The following SLC41A1 variants were observed in gnomAD, a reference collection of about 807,000 sequenced individuals.
The protein encoded by SLC41A1 is solute carrier family 41 member 1.
Under a neutral mutation model 47.3 loss-of-function variants are expected in SLC41A1, and 20 were observed. That is an observed-to-expected ratio of 0.42 (90% CI 0.30 to 0.61). The LOEUF is 0.61. SLC41A1 is among the 20% of genes least tolerant of loss of function. SLC41A1 has a pLI of 0.17. For missense variants in SLC41A1, 504 were observed against 674.1 expected, an observed-to-expected ratio of 0.75 and a Z score of 2.79; for synonymous variants, 282 against 272.7, an observed-to-expected ratio of 1.03 and a Z score of -0.34.
At position 205,810,339 on chromosome 1, in the gene SLC41A1, C is replaced by T. The variant is rs865967463; in HGVS notation, c.103G>A (p.Gly35Arg). 6.2e-7 allele frequency: 1 copy of T among 1,614,186 alleles called. No homozygotes were observed. ...TCAGGCCCCAGGAACTCTGAGGTCC[C>T]AGCCAAGGGCTCTCTCCCTGGGCCA... Reference protein sequence around the residue: ...SDGPGREPLAGTSEFLGPDGA... With the variant: ...SDGPGREPLARTSEFLGPDGA... The change falls in exon 2 of 11, where the codon GGG becomes AGG. Residue 35 changes from glycine to arginine, a missense_variant. Physicochemically the swap from Gly to Arg is moderately radical, Grantham distance 125. This residue lies in a region of SLC41A1 where 83 missense variants were observed against 72.5 expected (regional missense o/e 1.15). Coordinates refer to ENST00000367137, the MANE Select transcript of SLC41A1 (RefSeq NM_173854.6). This position sits in a 1 kb window ranked among gnomAD's most constrained non-coding sequence, Gnocchi z 5.5.
At chr1:205,796,589 C>G (rs1571641063) in intron 8 of SLC41A1, 1 of 348,712 alleles carries the variant, frequency 2.9e-6, no homozygotes, top group East Asian at 6.6e-5. Flanking sequence ...GCTTCCAGAA[C>G]TGTGAGCTAA....
At position 205,810,142 on chromosome 1, in the gene SLC41A1, C is replaced by A. The variant is rs372906697; in HGVS notation, c.300G>T (p.Leu100=). ...PLKETSFSIG[L]QVLFPFLLAG... ...CCAGGAGGAATGGAAACAGTACTTGCAGCCCGATGGAAAAGGAGGTCTCCT... is the reference window on the plus strand; with the variant it reads ...CCAGGAGGAATGGAAACAGTACTTGAAGCCCGATGGAAAAGGAGGTCTCCT... The change falls in exon 2 of 11, where the codon CTG becomes CTT. Residue 100 remains leucine (L), a synonymous_variant. Transcript: ENST00000367137. This position sits in a 1 kb window ranked among gnomAD's most constrained non-coding sequence, Gnocchi z 5.5. The A allele has an allele frequency of 1.1e-5, 18 of 1,614,228 alleles. No homozygotes were observed. The highest frequency in any genetic ancestry group is 2.2e-5 in the East Asian group (1 of 44,878).
intron 10 of SLC41A1, among the ~76,000 whole-genome samples, chr1:205,793,618 C>T (rs900745735): frequency 6.6e-6 from 1 of 152,124 alleles, no homozygotes; most frequent in East Asian, 1.9e-4. Context: ...ACAGGACTGG[C>T]GAAATAAAAT....
intron 2 of SLC41A1, among the ~76,000 whole-genome samples, chr1:205,802,564 A>G (rs1192816162): frequency 2.0e-5 from 3 of 151,816 alleles, no homozygotes; most frequent in African/African-American, 7.3e-5. Context: ...TGAAAATACA[A>G]AAATTAGCTG....
chr1:205,804,593 C>T (rs757571652), intron 2 of SLC41A1, among the ~76,000 whole-genome samples: 10 of 152,162 alleles, frequency 6.6e-5, no homozygotes, highest in East Asian at 1.9e-4. Flanking sequence ...CTCTTGGACA[C>T]GGCTGGTACA....
intron 2 of SLC41A1, chr1:205,801,298 G>A: frequency 4.1e-6 from 2 of 488,478 alleles, no homozygotes; most frequent in South Asian, 4.1e-5. Flanking sequence ...CTGCCGGTTG[G>A]GAGACTCTCA....
chr1:205,804,195 G>A (rs1035809187), intron 2 of SLC41A1, among the ~76,000 whole-genome samples: 1 of 152,200 alleles, frequency 6.6e-6, no homozygotes. Context: ...TAGGGCTTGA[G>A]ACCAGGAGAG....
chr1:205,801,297 G>C (rs1190469313), intron 2 of SLC41A1: 8 of 490,514 alleles, frequency 1.6e-5, no homozygotes, highest in Middle Eastern at 5.9e-4. Context: ...TCTGCCGGTT[G>C]GGAGACTCTC....
At chr1:205,812,784 G>GC in intron 1 of SLC41A1, 24 bp downstream of exon 1, 1 of 391,642 alleles carries the variant, frequency 2.6e-6, no homozygotes, top group Non-Finnish European at 3.4e-6. Context: ...CCCCCTCCCC[G>GC]CCCCAGGACC....
chr1:205,791,445 G>A lies in SLC41A1; in HGVS notation c.*88C>T. ...AAAGTGAAGTCCTAGAAAGAGGTGGGAGTGTGGGGTGGAGGAGGGACAGGG... is the reference window on the plus strand; with the variant it reads ...AAAGTGAAGTCCTAGAAAGAGGTGGAAGTGTGGGGTGGAGGAGGGACAGGG... On this transcript the variant is annotated 3_prime_UTR_variant, in exon 11 of 11. Transcript: ENST00000367137. The surrounding 1 kb of genome is among the most constrained non-coding windows in gnomAD (Gnocchi z 4.0). The A allele has an allele frequency of 1.4e-6, 2 of 1,457,016 alleles. No individual in the cohort carries two copies. Among genetic ancestry groups the A allele is most frequent in the Non-Finnish European group, 9.6e-7 (1 of 1,044,946 alleles). 90.3% of individuals were successfully genotyped at this position (1,457,016 alleles called of 1,614,324 possible).
intron 2 of SLC41A1, among the ~76,000 whole-genome samples, chr1:205,803,744 C>T (rs73080402): frequency 0.16 from 23,908 of 150,780 alleles, 2,577 homozygotes; most frequent in African/African-American, 0.31. Flanking sequence ...CTCAGTCTCT[C>T]GGGTAGTTGG....
Position 205,797,936 on chromosome 1 carries a change from C to T in SLC41A1, c.960G>A (p.Trp320Ter). Residue 320 changes from tryptophan to a stop codon, truncating the protein, a stop_gained, in exon 7 of 11, where the codon TGG (tryptophan) becomes TGA (stop). Coordinates refer to ENST00000367137, the MANE Select transcript of SLC41A1 (RefSeq NM_173854.6). LOFTEE classifies it high-confidence loss of function. The stretch of plus-strand genomic sequence containing the variant: ...TGGCCATGGCAATGATAACAGGCTC[C>T]CAGCCCGAGTACAACACCTCCCTTG... ...PATREVLYSGWEPVIIAMAIS... is the reference protein window; with the variant it reads ...PATREVLYSG The T allele has an allele frequency of 6.2e-7, 1 of 1,614,038 alleles. No homozygotes were observed. The highest frequency in any genetic ancestry group is 8.5e-7 in the Non-Finnish European group (1 of 1,179,994).
chr1:205,789,803 G>A lies in SLC41A1; in HGVS notation c.*1730C>T, dbSNP rs1228083605. On this transcript the variant is annotated 3_prime_UTR_variant, in exon 11 of 11. Transcript: ENST00000367137. ...ATAAGGTGCAGTGTTGGTAGAAACA[G>A]GATCATTGCCTAAGCCTTCCCTTGG... The A allele has an allele frequency of 6.6e-6, 1 of 152,212 alleles. No individual in the cohort carries two copies. Among genetic ancestry groups the A allele is most frequent in the East Asian group, 1.9e-4 (1 of 5,198 alleles). The allele number at this position is 152,212 out of a possible 1,614,324, so 9.4% of individuals were successfully genotyped here.
intron 2 of SLC41A1, chr1:205,801,321 CT>C: frequency 2.3e-6 from 1 of 438,716 alleles, no homozygotes; most frequent in South Asian, 2.1e-5. Context: ...CTGGCCCTAC[CT>C]TTTCTGTTTT....
chr1:205,798,968 G>A lies in SLC41A1; in HGVS notation c.686C>T (p.Ser229Phe). Residue 229 changes from serine (S) to phenylalanine (F), a missense_variant, in exon 5 of 11, where the codon TCC becomes TTC. Physicochemically the swap from Ser to Phe is radical, Grantham distance 155. Transcript: ENST00000367137. Reference protein sequence around the residue: ...ASSVATAFIASLVLGMIMIGV... With the variant: ...ASSVATAFIAFLVLGMIMIGV... Reference sequence around the variant, plus strand: ...CCTCCCTTTCTTACCCAGTACCAGGGAGGCAATGAAGGCTGTGGCCACGCT... The same window carrying A: ...CCTCCCTTTCTTACCCAGTACCAGGAAGGCAATGAAGGCTGTGGCCACGCT... The A allele has an allele frequency of 6.2e-7, 1 of 1,614,114 alleles. No individual in the cohort carries two copies. Among genetic ancestry groups the A allele is most frequent in the Non-Finnish European group, 8.5e-7 (1 of 1,180,024 alleles).
chr1:205,797,233 A>T (rs1244384607), intron 7 of SLC41A1, among the ~76,000 whole-genome samples: 2 of 152,196 alleles, frequency 1.3e-5, no homozygotes, highest in Non-Finnish European at 2.9e-5. Flanking sequence ...TGGGTCAGGC[A>T]ACCACCTCCT....
rs1656126329 is a variant in SLC41A1, at chr1:205,810,509, C to G, written c.-68G>C. The G allele has an allele frequency of 6.2e-7, 1 of 1,611,634 alleles. No homozygotes were observed. The highest frequency in any genetic ancestry group is 1.1e-5 in the South Asian group (1 of 90,558). ...TTTTGCTTTCTCTCTTCTTCTCTAA[C>G]TTGGGAAAGAACTTAGTCTTGGGGT... On this transcript the variant is annotated 5_prime_UTR_variant, in exon 2 of 11. Transcript: ENST00000367137. The surrounding 1 kb of genome is among the most constrained non-coding windows in gnomAD (Gnocchi z 5.5).
Position 205,810,584 on chromosome 1 carries a change from TACCAG to T in SLC41A1, c.-148_-144del. ...ACCTCTTCCCACGGCTCTCCACTCC[TACCAG>T]GCACTGCAAAAACTGATCCACCAAC... On this transcript the variant is annotated 5_prime_UTR_variant, in exon 2 of 11. The change abolishes the stop of an existing upstream ORF in the 5' untranslated region. Coordinates refer to ENST00000367137, the MANE Select transcript of SLC41A1 (RefSeq NM_173854.6). The surrounding 1 kb of genome is among the most constrained non-coding windows in gnomAD (Gnocchi z 5.5). 1 of 1,256,322 alleles carries T rather than the reference TACCAG, an allele frequency of 8.0e-7. No individual in the cohort carries two copies. Among genetic ancestry groups the T allele is most frequent in the South Asian group, 1.3e-5 (1 of 76,270 alleles). The allele number at this position is 1,256,322 out of a possible 1,614,324, so 77.8% of individuals were successfully genotyped here. A position where few individuals can be genotyped will look rare whatever the true frequency, so the allele number is the denominator to read the frequency against.
Position 205,796,817 on chromosome 1 carries a change from G to A in SLC41A1, c.1072+107C>T, listed in dbSNP as rs373016767. 25 of 1,114,752 alleles carry A rather than the reference G, an allele frequency of 2.2e-5. 1 individual carries two copies. Among genetic ancestry groups the A allele is most frequent in the South Asian group, 9.3e-5 (7 of 75,172 alleles). 69.1% of individuals were successfully genotyped at this position (1,114,752 alleles called of 1,614,324 possible). ...CTTGAACCATCTGAGCTAGATTCTCGTCTGCTGGAACCCTGACTGATACAG... is the reference window on the plus strand; with the variant it reads ...CTTGAACCATCTGAGCTAGATTCTCATCTGCTGGAACCCTGACTGATACAG... On this transcript the variant is annotated intron_variant, in intron 8 of 10. Coordinates refer to ENST00000367137, the MANE Select transcript of SLC41A1 (RefSeq NM_173854.6).
Sources: gnomAD v4.1 joint callset for allele counts (sites outside exome capture counted in the v4.1 genomes callset) on GRCh38, gnomAD v4.1.1 for gene constraint, gnomAD v4.1.1 regional missense constraint, Gnocchi (gnomAD v3.1) non-coding constraint, MANE v1.5 for transcripts, NCBI Gene and HGNC (gene_info 2026-07-23, HGNC 2026-07-21) for gene names.